SLC24A3: variants seen among roughly 807,000 people sequenced by gnomAD.
SLC24A3 encodes sodium/potassium/calcium exchanger 3.
SLC24A3 carries 28 observed loss-of-function variants against 75.8 expected under a neutral mutation model. That is an observed-to-expected ratio of 0.37 (90% confidence interval 0.27 to 0.51). The LOEUF is 0.51. Among genes scored for constraint, SLC24A3 ranks in the 20% least tolerant of loss-of-function variants. The pLI is 0.94. For synonymous variants in SLC24A3, 372 were observed against 334.1 expected (o/e 1.11, Z -1.24); for missense variants, 663 against 847.8 (o/e 0.78, Z 2.71).
At chr20:19,614,768 CT>C (rs2031714916) in intron 6 of SLC24A3, among the ~76,000 whole-genome samples, 1 of 152,194 alleles carries the variant, frequency 6.6e-6, no homozygotes, top group African/African-American at 2.4e-5. Flanking sequence ...GACTTTGCCT[CT>C]TTTCCTAAGT....
chr20:19,586,566 G>A (rs2031299947), intron 6 of SLC24A3, among the ~76,000 whole-genome samples: 1 of 152,162 alleles, frequency 6.6e-6, no homozygotes, highest in South Asian at 2.1e-4. Context: ...CACAGCAGCG[G>A]CAAGGGGCAC....
intron 2 of SLC24A3, among the ~76,000 whole-genome samples, chr20:19,451,648 C>T (rs970121297): frequency 6.6e-6 from 1 of 152,240 alleles, no homozygotes; most frequent in African/African-American, 2.4e-5. Flanking sequence ...GCTGCAAAGG[C>T]AGGTAGGACT....
chr20:19,236,361 T>C (rs1982168499), intron 1 of SLC24A3, among the ~76,000 whole-genome samples: 1 of 152,136 alleles, frequency 6.6e-6, no homozygotes, highest in Non-Finnish European at 1.5e-5. Context: ...AGTGCCTTCC[T>C]AGAGAAGCTT....
At chr20:19,527,697 G>A (rs1202100711) in intron 3 of SLC24A3, among the ~76,000 whole-genome samples, 1 of 152,188 alleles carries the variant, frequency 6.6e-6, no homozygotes, top group Non-Finnish European at 1.5e-5. Context: ...ACCCTGCCCT[G>A]CAAAGACATG....
chr20:19,362,036 G>T (rs1332905552), intron 2 of SLC24A3, among the ~76,000 whole-genome samples: 1 of 152,072 alleles, frequency 6.6e-6, no homozygotes, highest in Non-Finnish European at 1.5e-5. Flanking sequence ...TTAAGTTCTG[G>T]TTCATGTGTA....
intron 1 of SLC24A3, among the ~76,000 whole-genome samples, chr20:19,245,550 G>A (rs1490291481): frequency 2.0e-5 from 3 of 151,920 alleles, no homozygotes; most frequent in African/African-American, 7.3e-5. Flanking sequence ...TAAAATTTAT[G>A]GAGAATTACT....
At chr20:19,534,976 C>G (rs1002327446) in intron 3 of SLC24A3, among the ~76,000 whole-genome samples, 3 of 152,178 alleles carry the variant, frequency 2.0e-5, no homozygotes, top group African/African-American at 7.2e-5. Flanking sequence ...GGGTTTCTCA[C>G]AAACTTTAAA....
At chr20:19,478,706 C>T (rs1312344186) in intron 2 of SLC24A3, among the ~76,000 whole-genome samples, 1 of 152,182 alleles carries the variant, frequency 6.6e-6, no homozygotes, top group African/African-American at 2.4e-5. Context: ...GTAAAAGAAC[C>T]CTGCATGCCT....
intron 2 of SLC24A3, among the ~76,000 whole-genome samples, chr20:19,296,343 T>C (rs923724072): frequency 4.6e-5 from 7 of 150,946 alleles, no homozygotes; most frequent in African/African-American, 1.7e-4. Context: ...CATGTCTCTG[T>C]CTCCTTCAGT....
chr20:19,547,640 A>G (rs1295540235), intron 3 of SLC24A3, among the ~76,000 whole-genome samples: 3 of 152,224 alleles, frequency 2.0e-5, no homozygotes, highest in Non-Finnish European at 4.4e-5. Flanking sequence ...TCCTTTGTCC[A>G]GCAAAGAGAT....
chr20:19,254,331 G>A (rs1982747820), intron 1 of SLC24A3, among the ~76,000 whole-genome samples: 1 of 152,208 alleles, frequency 6.6e-6, no homozygotes, highest in Admixed American at 6.5e-5. Context: ...AGGCTGGGGA[G>A]AAGAGCTCAT....
chr20:19,302,821 T>C (rs1452576205), intron 2 of SLC24A3, among the ~76,000 whole-genome samples: 1 of 152,194 alleles, frequency 6.6e-6, no homozygotes, highest in Non-Finnish European at 1.5e-5. Flanking sequence ...TTGATTGCCA[T>C]TTGCTTATTC....
At chr20:19,358,991 T>C (rs1251930203) in intron 2 of SLC24A3, among the ~76,000 whole-genome samples, 3 of 152,268 alleles carry the variant, frequency 2.0e-5, no homozygotes, top group Admixed American at 2.0e-4. Context: ...ACTGTGTGCA[T>C]ATATCACATT....
At chr20:19,247,130 C>T (rs1026397660) in intron 1 of SLC24A3, among the ~76,000 whole-genome samples, 1 of 152,082 alleles carries the variant, frequency 6.6e-6, no homozygotes, top group Non-Finnish European at 1.5e-5. Context: ...GAGTTAGAAA[C>T]AAAATCAGTT....
chr20:19,663,841 A>G (rs1271284132), intron 7 of SLC24A3, among the ~76,000 whole-genome samples: 1 of 152,014 alleles, frequency 6.6e-6, no homozygotes, highest in Non-Finnish European at 1.5e-5. Context: ...TTTCTTTGCT[A>G]TGATCATTGA....
At chr20:19,545,305 G>A (rs1056996798) in intron 3 of SLC24A3, among the ~76,000 whole-genome samples, 2 of 152,200 alleles carry the variant, frequency 1.3e-5, no homozygotes, top group African/African-American at 4.8e-5. Context: ...GTCGGGAGGA[G>A]AGGAATTCCC....
chr20:19,655,583 C>T (rs973464707), intron 7 of SLC24A3, among the ~76,000 whole-genome samples: 3 of 152,086 alleles, frequency 2.0e-5, no homozygotes, highest in Non-Finnish European at 4.4e-5. Context: ...AGGAGATCAG[C>T]GTTTGAATCC....
At chr20:19,217,424 A>T (rs779017859) in intron 1 of SLC24A3, among the ~76,000 whole-genome samples, 2 of 152,266 alleles carry the variant, frequency 1.3e-5, no homozygotes, top group African/African-American at 2.4e-5. Context: ...CATACATACA[A>T]ACATATATAG....
In SLC24A3 at chr20:19,316,185, A is replaced by G. The variant is rs188252051; in HGVS notation, c.271+35098A>G. Among the ~76,000 whole-genome samples the G allele has an allele frequency of 1.9e-3, 291 of 152,320 alleles. 3 individuals carry two copies. The highest frequency in any genetic ancestry group is 6.3e-3 in the African/African-American group (261 of 41,568). On this transcript the variant is annotated intron_variant, in intron 2 of 16. Transcript: ENST00000328041. ...TTCTACTGAATGTGCATCACTTTCT[A>G]CCGTCACAAAGTGGAGAAATCCCAA...
Sources: allele counts gnomAD v4.1 joint callset (sites outside exome capture counted in the v4.1 genomes callset), GRCh38; gene constraint gnomAD v4.1.1; transcripts MANE v1.5; gene names NCBI Gene and HGNC (gene_info 2026-07-23, HGNC 2026-07-21).